CREB5: variants seen among roughly 807,000 people sequenced by gnomAD.
CREB5 encodes the protein cAMP responsive element binding protein 5, also known as cyclic AMP-responsive element-binding protein 5.
Under a neutral mutation model 57.1 loss-of-function variants are expected in CREB5, and 19 were observed. The observed-to-expected ratio is 0.33, with a 90% CI of 0.23 to 0.49. The LOEUF (loss-of-function observed/expected upper bound fraction) is 0.49. Among genes scored for constraint, CREB5 ranks in the 20% least tolerant of loss-of-function variants. The probability of loss-of-function intolerance (pLI) is 0.99; values close to 1 mark genes in which losing one functional copy is unlikely to be tolerated. For missense variants in CREB5, 579 were observed against 671.6 expected (o/e 0.86, Z 1.52); for synonymous variants, 238 against 238.3 (o/e 1.00, Z 0.01).
chr7:28,684,933 T>C (rs1800786097), intron 5 of CREB5, among the ~76,000 whole-genome samples: 1 of 152,160 alleles, frequency 6.6e-6, no homozygotes, highest in South Asian at 2.1e-4. Flanking sequence ...CTGTTGTCAT[T>C]GTCGTGGTGG....
At chr7:28,529,884 G>A (rs1018726839) in intron 4 of CREB5, among the ~76,000 whole-genome samples, 6 of 152,182 alleles carry the variant, frequency 3.9e-5, no homozygotes, top group South Asian at 2.1e-4. Context: ...CTACGGTGAG[G>A]CTATTTGGGA....
chr7:28,795,218 T>C (rs1368283233), intron 7 of CREB5, among the ~76,000 whole-genome samples: 3 of 152,238 alleles, frequency 2.0e-5, no homozygotes, highest in African/African-American at 7.2e-5. Flanking sequence ...AGCCCCAAGC[T>C]ATATCTCCTC....
At chr7:28,328,145 C>T (rs1031574022) in intron 1 of CREB5, among the ~76,000 whole-genome samples, 8 of 152,178 alleles carry the variant, frequency 5.3e-5, no homozygotes, top group African/African-American at 1.9e-4. Flanking sequence ...TCTGCAATAT[C>T]AAGTGAACTC....
At position 28,456,008 on chromosome 7, in the gene CREB5, T is replaced by C. The variant is rs145106192; in HGVS notation, c.4-32167T>C. Among the ~76,000 whole-genome samples the C allele has an allele frequency of 1.6e-4, 25 of 152,328 alleles. No individual in the cohort carries two copies. The East Asian group carries it at 4.8e-3, about 29-fold the overall frequency. ...GATCAACTTTTAACCTCAGTCCCCATGAGGCCAGGCCACAGAGGGGACCAT... is the reference window on the plus strand; with the variant it reads ...GATCAACTTTTAACCTCAGTCCCCACGAGGCCAGGCCACAGAGGGGACCAT... On this transcript the variant is annotated intron_variant, in intron 1 of 10. Coordinates refer to ENST00000357727, the MANE Select transcript of CREB5 (RefSeq NM_182898.4).
At chr7:28,441,259 G>A (rs1158033858) in intron 1 of CREB5, among the ~76,000 whole-genome samples, 2 of 152,218 alleles carry the variant, frequency 1.3e-5, no homozygotes, top group Admixed American at 1.3e-4. Flanking sequence ...AGCCCATGAG[G>A]CTGTCGAGCT....
intron 7 of CREB5, among the ~76,000 whole-genome samples, chr7:28,796,933 G>C (rs551171361): frequency 3.1e-4 from 47 of 152,262 alleles, no homozygotes; most frequent in African/African-American, 9.6e-4. Context: ...CTCTTAAAAT[G>C]CTCACCCTCC....
At chr7:28,623,380 G>A (rs1447762287) in intron 5 of CREB5, among the ~76,000 whole-genome samples, 1 of 152,166 alleles carries the variant, frequency 6.6e-6, no homozygotes, top group African/African-American at 2.4e-5. Flanking sequence ...TTTAGCCAGA[G>A]TCATCATAAA....
chr7:28,420,021 A>G (rs748981947), intron 1 of CREB5, among the ~76,000 whole-genome samples: 9 of 152,244 alleles, frequency 5.9e-5, no homozygotes, highest in Non-Finnish European at 1.3e-4. Flanking sequence ...GCTGATCTCC[A>G]AACCATTCAA....
chr7:28,652,842 T>TAAA (rs1799195789), intron 5 of CREB5, among the ~76,000 whole-genome samples: 1 of 152,220 alleles, frequency 6.6e-6, no homozygotes, highest in Non-Finnish European at 1.5e-5. Flanking sequence ...GGCTGTCTTT[T>TAAA]AAGTACAAGG....
rs56266854 is a variant in CREB5 at position 28,679,052 on chromosome 7, C to CTTTTTT, written c.465-39689_465-39684dup. Among the ~76,000 whole-genome samples, 656 of 123,804 alleles carry CTTTTTT rather than the reference C, an allele frequency of 5.3e-3. 8 individuals are homozygous for CTTTTTT. Among genetic ancestry groups the CTTTTTT allele is most frequent in the East Asian group, 0.021 (84 of 3,958 alleles). 81.2% of individuals were successfully genotyped at this position (123,804 alleles called of 152,430 possible). ...CAAACTCATTTTTACTTTTGTAGTT[C>CTTTTTT]TTTTTTTTTTTTTTTTTCATTTAAG... On this transcript the variant is annotated intron_variant, in intron 5 of 10. Transcript: ENST00000357727.
intron 7 of CREB5, among the ~76,000 whole-genome samples, chr7:28,747,395 G>A (rs1804744318): frequency 6.6e-6 from 1 of 152,238 alleles, no homozygotes; most frequent in African/African-American, 2.4e-5. Flanking sequence ...TAATGAGAAA[G>A]AAGCATTTAG....
intron 1 of CREB5, among the ~76,000 whole-genome samples, chr7:28,446,715 CCGGGAGGTGGAGA>C: frequency 6.6e-6 from 1 of 152,238 alleles, no homozygotes; most frequent in Non-Finnish European, 1.5e-5. Context: ...TGGCGTGAAC[CCGGGAGGTGGAGA>C]TTGCAGTGAG....
chr7:28,500,959 G>T (rs1417671501), intron 3 of CREB5, among the ~76,000 whole-genome samples: 1 of 152,116 alleles, frequency 6.6e-6, no homozygotes, highest in Non-Finnish European at 1.5e-5. Context: ...GAGATGGCTT[G>T]CACCAGAGGG....
Position 28,819,299 on chromosome 7 carries a change from C to T in CREB5, c.*20C>T, listed in dbSNP as rs1344713752. 1 of 1,608,978 alleles carries T rather than the reference C, an allele frequency of 6.2e-7. No individual in the cohort carries two copies. The highest frequency in any genetic ancestry group is 2.2e-5 in the East Asian group (1 of 44,866). On this transcript the variant is annotated 3_prime_UTR_variant, in exon 11 of 11. Coordinates refer to ENST00000357727, the MANE Select transcript of CREB5 (RefSeq NM_182898.4). ...CTTTAAAATGCACCATCAGACCTGG[C>T]CTCCAAGAAGAGCTGTAGCGTACCA...
At chr7:28,734,169 G>C (rs1449499986) in intron 7 of CREB5, among the ~76,000 whole-genome samples, 4 of 116,414 alleles carry the variant, frequency 3.4e-5, no homozygotes, top group African/African-American at 1.4e-4. Context: ...CTTTAGTACT[G>C]AAATCCCCTT....
At chr7:28,635,938 G>C (rs1798402376) in intron 5 of CREB5, among the ~76,000 whole-genome samples, 3 of 152,290 alleles carry the variant, frequency 2.0e-5, no homozygotes, top group Admixed American at 2.0e-4. Context: ...TTTCTGAAGA[G>C]ATTAGCAAAG....
chr7:28,643,542 A>G (rs1798765299), intron 5 of CREB5, among the ~76,000 whole-genome samples: 1 of 152,134 alleles, frequency 6.6e-6, no homozygotes. Context: ...TATGTGACCT[A>G]GGTTATTTAA....
At chr7:28,371,491 CAAA>C (rs5883125) in intron 1 of CREB5, among the ~76,000 whole-genome samples, 77 of 77,154 alleles carry the variant, frequency 1.0e-3, no homozygotes, top group African/African-American at 2.9e-3. Flanking sequence ...TACTCCATCT[CAAA>C]AAAAAAAAAA....
At chr7:28,490,746 G>A (rs995170451) in intron 2 of CREB5, among the ~76,000 whole-genome samples, 1 of 152,202 alleles carries the variant, frequency 6.6e-6, no homozygotes, top group Non-Finnish European at 1.5e-5. Flanking sequence ...AATGTCCCCT[G>A]TGGGCCCACA....
Sources: gnomAD v4.1 joint callset for allele counts (sites outside exome capture counted in the v4.1 genomes callset) on GRCh38, gnomAD v4.1.1 for gene constraint, MANE v1.5 for transcripts, NCBI Gene and HGNC (gene_info 2026-07-23, HGNC 2026-07-21) for gene names.